SYCP2: variants seen among roughly 807,000 people sequenced by gnomAD.
SYCP2 encodes synaptonemal complex protein 2, also known as synaptonemal complex lateral element protein.
A neutral mutation model predicts 211.3 loss-of-function variants in SYCP2; 55 were observed. That is an observed-to-expected ratio of 0.26 (90% confidence interval 0.21 to 0.33). The LOEUF is 0.33. Among genes scored for constraint, SYCP2 ranks in the 10% least tolerant of loss-of-function variants. SYCP2 has a pLI of 1.00. For synonymous variants in SYCP2, 570 were observed against 555.2 expected (o/e 1.03, Z -0.37); for missense variants, 1,731 against 1,752.0 (o/e 0.99, Z 0.21).
At chr20:59,902,994 T>A (rs1389515439) in intron 15 of SYCP2, among the ~76,000 whole-genome samples, 1 of 152,144 alleles carries the variant, frequency 6.6e-6, no homozygotes, top group East Asian at 1.9e-4. Context: ...TTCTATAGCT[T>A]ACTGTAAATT....
At chr20:59,877,617 T>C in intron 32 of SYCP2, 62 bp from the exon 33 acceptor site, 1 of 1,440,112 alleles carries the variant, frequency 6.9e-7, no homozygotes, top group Non-Finnish European at 9.4e-7. Context: ...TACAAGCAAT[T>C]TGCTATAAAA....
intron 14 of SYCP2, among the ~76,000 whole-genome samples, chr20:59,908,778 A>T (rs2060260969): frequency 6.6e-6 from 1 of 151,492 alleles, no homozygotes; most frequent in Non-Finnish European, 1.5e-5. Flanking sequence ...TCTCCATTAT[A>T]CTCCTTCCTC....
chr20:59,881,382 G>T (rs2059676639), intron 29 of SYCP2, 55 bp downstream of exon 29: 1 of 894,958 alleles, frequency 1.1e-6, no homozygotes, highest in Non-Finnish European at 1.7e-6. Flanking sequence ...ACTGGGAGGA[G>T]ATATTTAAGA....
At chr20:59,873,314 G>A (rs6027157) in intron 35 of SYCP2, among the ~76,000 whole-genome samples, 1 of 152,112 alleles carries the variant, frequency 6.6e-6, no homozygotes, top group Non-Finnish European at 1.5e-5. Context: ...AGTAAAATAA[G>A]GGTTACTTTA....
rs1307235487 is a variant in SYCP2, at chr20:59,900,918, T to A, written c.1183-100A>T. 6 of 947,540 alleles carry A rather than the reference T, an allele frequency of 6.3e-6. No homozygotes were observed. In the African/African-American group the frequency reaches 8.3e-5, roughly 13 times the overall value. The allele number at this position is 947,540 out of a possible 1,614,324, so 58.7% of individuals were successfully genotyped here. ...CATTTAATGTAATTATTTCCTGTTTTCTTCCAAAATTGCCAAATATCCCAA... is the reference window on the plus strand; with the variant it reads ...CATTTAATGTAATTATTTCCTGTTTACTTCCAAAATTGCCAAATATCCCAA... On this transcript the variant is annotated intron_variant, in intron 16 of 44. Coordinates refer to ENST00000357552, the MANE Select transcript of SYCP2 (RefSeq NM_014258.4).
intron 24 of SYCP2, among the ~76,000 whole-genome samples, chr20:59,887,567 T>G (rs940298847): frequency 6.6e-6 from 1 of 151,920 alleles, no homozygotes; most frequent in African/African-American, 2.4e-5. Context: ...CTTGAGGAAT[T>G]GCCACACTGT....
At chr20:59,895,722 T>C in intron 19 of SYCP2, 125 bp from the exon 20 acceptor site, 2 of 1,116,520 alleles carry the variant, frequency 1.8e-6, no homozygotes, top group Non-Finnish European at 2.6e-6. Context: ...CTGGCTTAGA[T>C]AATTAAGTGA....
At position 59,924,062 on chromosome 20, in the gene SYCP2, TTC is replaced by T. The variant is rs566713443; in HGVS notation, c.-46-1605_-46-1604del. On this transcript the variant is annotated intron_variant, in intron 2 of 44. Transcript: ENST00000357552. ...AGGTACAAGATCACTCCCACCTTCA[TTC>T]TGTTTCCTAAAAGCAGGAAATGAAA... 1.3e-4 allele frequency among the ~76,000 whole-genome samples: 20 copies of T among 152,042 alleles called. No homozygotes were observed. The East Asian group carries it at 3.7e-3, about 28-fold the overall frequency.
Position 59,874,047 on chromosome 20 carries a change from T to C in SYCP2, c.3364A>G (p.Thr1122Ala), listed in dbSNP as rs1320273482. 1 of 1,592,550 alleles carries C rather than the reference T, an allele frequency of 6.3e-7. No individual in the cohort carries two copies. Among genetic ancestry groups the C allele is most frequent in the East Asian group, 2.2e-5 (1 of 44,662 alleles). Residue 1122 changes from threonine to alanine, a missense_variant, in exon 35 of 45, where the codon ACA becomes GCA. Transcript: ENST00000357552. ...TAATCCTGAGTAAAATCCTTTTCTG[T>C]TATTTTCTCTATACCTATATTGCAT... ...IEVTRCIEKITEKDFTQDYDC... is the reference protein window; with the variant it reads ...IEVTRCIEKIAEKDFTQDYDC...
intron 36 of SYCP2, among the ~76,000 whole-genome samples, chr20:59,869,334 TCTCCACTTAATCTACATATACCTACCC>T (rs1357845912): frequency 6.6e-6 from 1 of 151,788 alleles, no homozygotes; most frequent in Non-Finnish European, 1.5e-5. Flanking sequence ...TACTGATTTT[TCTCCACTTAATCTACATATACCTACCC>T]ATCCACTTAG....
At chr20:59,908,719 AAC>A (rs908974700) in intron 14 of SYCP2, among the ~76,000 whole-genome samples, 1 of 152,128 alleles carries the variant, frequency 6.6e-6, no homozygotes, top group African/African-American at 2.4e-5. Flanking sequence ...ACCCAGATTC[AAC>A]AGTTATCAGT....
rs1243099774 is a variant in SYCP2 at position 59,921,328 on chromosome 20, C to G, written c.150G>C (p.Val50=). ...IKCSKQFFHK[V]DNLICRELNK... Reference sequence around the variant, plus strand: ...TATTTACCCTGCATATAAGGTTGTCCACCTTGTGGAAAAACTGTTTGCTGC... The same window carrying G: ...TATTTACCCTGCATATAAGGTTGTCGACCTTGTGGAAAAACTGTTTGCTGC... Residue 50 remains valine (V), a synonymous_variant, in exon 4 of 45, where the codon GTG becomes GTC. Coordinates refer to ENST00000357552, the MANE Select transcript of SYCP2 (RefSeq NM_014258.4). The G allele has an allele frequency of 1.2e-6, 2 of 1,602,104 alleles. No homozygotes were observed. The highest frequency in any genetic ancestry group is 8.5e-7 in the Non-Finnish European group (1 of 1,173,580).
At chr20:59,920,565 C>T in intron 4 of SYCP2, 78 bp from the exon 5 acceptor site, 6 of 1,152,802 alleles carry the variant, frequency 5.2e-6, no homozygotes, top group Non-Finnish European at 7.5e-6. Context: ...GAGTGTTACA[C>T]ATATATTTTA....
intron 18 of SYCP2, 21 bp from the exon 19 acceptor site, chr20:59,896,549 A>C (rs1210571150): frequency 2.4e-6 from 3 of 1,251,116 alleles, no homozygotes; most frequent in African/African-American, 1.5e-5. Context: ...GATGAAAAAC[A>C]ACCACTGTAA....
chr20:59,923,893 G>A (rs770649648), intron 2 of SYCP2, among the ~76,000 whole-genome samples: 2 of 151,786 alleles, frequency 1.3e-5, no homozygotes, highest in Non-Finnish European at 1.5e-5. Flanking sequence ...ACAAAGTAAG[G>A]TGATAGATTA....
At chr20:59,912,638 A>G (rs2060353339) in intron 12 of SYCP2, among the ~76,000 whole-genome samples, 1 of 152,164 alleles carries the variant, frequency 6.6e-6, no homozygotes, top group African/African-American at 2.4e-5. Flanking sequence ...TCAATCTACC[A>G]TTCTGACTAA....
At chr20:59,880,221 A>G (rs2059649291) in intron 31 of SYCP2, 82 bp downstream of exon 31, 2 of 1,121,934 alleles carry the variant, frequency 1.8e-6, no homozygotes, top group Non-Finnish European at 2.6e-6. Flanking sequence ...TCTAAATACA[A>G]TAAGCTTATA....
chr20:59,932,869 G>C (rs1427733904), intron 1 of SYCP2, among the ~76,000 whole-genome samples: 2 of 152,120 alleles, frequency 1.3e-5, no homozygotes, highest in Non-Finnish European at 2.9e-5. Context: ...GACGGCGGGA[G>C]GGAGAGAAGG....
In SYCP2 at chr20:59,914,178, T is replaced by C. The variant is rs1263909588; in HGVS notation, c.708A>G (p.Ala236=). ...TAAAATCCATTGAAAACCACTGATG[T>C]GCCAGTTCTTGTCTTTGTTTTTCTG... The part of the protein sequence containing the change: ...MTTEKQRQEL[A]HQWFSMDFIA... Residue 236 remains alanine, a synonymous_variant, in exon 11 of 45, where the codon GCA becomes GCG. Transcript: ENST00000357552. 4 of 1,604,814 alleles carry C rather than the reference T, an allele frequency of 2.5e-6. No homozygotes were observed.
Sources: allele counts gnomAD v4.1 joint callset (sites outside exome capture counted in the v4.1 genomes callset), GRCh38; gene constraint gnomAD v4.1.1; transcripts MANE v1.5; gene names NCBI Gene and HGNC (gene_info 2026-07-23, HGNC 2026-07-21).